Variants in ARHGAP6 observed in about 807,000 individuals in gnomAD.
ARHGAP6 encodes rho GTPase-activating protein 6.
ARHGAP6 carries 16 observed loss-of-function variants against 55.7 expected under a neutral mutation model. That is an observed-to-expected ratio of 0.29 (90% CI 0.19 to 0.44). ARHGAP6 has a LOEUF of 0.44. Ranked by LOEUF, ARHGAP6 falls within the 20% of genes least tolerant of loss-of-function variation. The pLI, the probability that ARHGAP6 is intolerant of heterozygous loss-of-function variation, is 1.00. For synonymous variants in ARHGAP6, 382 were observed against 360.9 expected (o/e 1.06, Z -0.66); for missense variants, 698 against 808.9 (o/e 0.86, Z 1.66).
intron 1 of ARHGAP6, among the ~76,000 whole-genome samples, chrX:11,603,195 G>A (rs2051997605): frequency 9.0e-6 from 1 of 111,556 alleles, no homozygotes; most frequent in African/African-American, 3.3e-5. Flanking sequence ...AAGCATTTAA[G>A]CCCTGAGCAA....
chrX:11,289,343 G>A lies in ARHGAP6; in HGVS notation c.589-34636C>T, dbSNP rs147124377. Among the ~76,000 whole-genome samples, 1,026 of 111,027 alleles carry A rather than the reference G, an allele frequency of 9.2e-3. 22 individuals are homozygous for A. Among genetic ancestry groups the A allele is most frequent in the African/African-American group, 0.032 (962 of 30,531 alleles). On this transcript the variant is annotated intron_variant, in intron 1 of 12. Transcript: ENST00000337414. ...TACTCATCTCTCTTGCTGAACATGAGTGAGAAATATCATACTCCAAACTTC... is the reference window on the plus strand; with the variant it reads ...TACTCATCTCTCTTGCTGAACATGAATGAGAAATATCATACTCCAAACTTC...
At chrX:11,302,710 T>C (rs2048187515) in intron 1 of ARHGAP6, among the ~76,000 whole-genome samples, 1 of 111,471 alleles carries the variant, frequency 9.0e-6, no homozygotes, top group Admixed American at 9.5e-5. Context: ...TTGAGTAACT[T>C]GAAATTTTAA....
chrX:11,339,247 G>A lies in ARHGAP6; in HGVS notation c.589-84540C>T, dbSNP rs781301114. ...TGGACATCTAAATTGGAATCACAGT[G>A]CATCTGAGAACCAAAATCTCTGGTC... On this transcript the variant is annotated intron_variant, in intron 1 of 12. Coordinates refer to ENST00000337414, the MANE Select transcript of ARHGAP6 (RefSeq NM_013427.3). Among the ~76,000 whole-genome samples the A allele has an allele frequency of 2.7e-5, 3 of 111,956 alleles. No individual in the cohort carries two copies. In the East Asian group the frequency reaches 8.4e-4, roughly 31 times the overall value.
At chrX:11,389,258 A>G (rs769082449) in intron 1 of ARHGAP6, among the ~76,000 whole-genome samples, 1 of 112,256 alleles carries the variant, frequency 8.9e-6, no homozygotes, top group South Asian at 3.7e-4. Context: ...TTCTGCAAAT[A>G]ATAACTAATA....
chrX:11,157,348 G>A (rs754377055), intron 9 of ARHGAP6, among the ~76,000 whole-genome samples: 11 of 112,117 alleles, frequency 9.8e-5, no homozygotes, highest in Non-Finnish European at 1.9e-4. Flanking sequence ...TTTATTATTC[G>A]GTGCCTGCCT....
At chrX:11,337,277 CTA>C (rs889945965) in intron 1 of ARHGAP6, among the ~76,000 whole-genome samples, 2 of 111,200 alleles carry the variant, frequency 1.8e-5, no homozygotes, top group Admixed American at 9.6e-5. Flanking sequence ...ACATTATATA[CTA>C]TATATATAAT....
chrX:11,280,738 C>T (rs1224499199), intron 1 of ARHGAP6, among the ~76,000 whole-genome samples: 1 of 80,919 alleles, frequency 1.2e-5, no homozygotes, highest in Non-Finnish European at 2.3e-5. Context: ...AGAGCAAGAC[C>T]TTGTCTCAAA....
Position 11,473,717 on chromosome X carries a change from T to C in ARHGAP6, c.588+190524A>G, listed in dbSNP as rs144586676. 3.1e-3 allele frequency among the ~76,000 whole-genome samples: 343 copies of C among 112,019 alleles called. 1 individual carries two copies. The highest frequency in any genetic ancestry group is 9.8e-3 in the African/African-American group (301 of 30,864). On this transcript the variant is annotated intron_variant, in intron 1 of 12. Transcript: ENST00000337414. ...AACTGACAGAGAGAATACATTTCTC[T>C]TGTTTTAAAACACCCAGTTTGTAGT...
At chrX:11,296,660 C>T in intron 1 of ARHGAP6, 1 of 834,327 alleles carries the variant, frequency 1.2e-6, no homozygotes, top group East Asian at 3.4e-5. Flanking sequence ...TTTAAAGTAG[C>T]TTCAGTCTCC....
chrX:11,300,109 G>T (rs1172725787), intron 1 of ARHGAP6, among the ~76,000 whole-genome samples: 2 of 111,903 alleles, frequency 1.8e-5, no homozygotes, highest in Admixed American at 1.9e-4. Context: ...CAAGGCACAT[G>T]TTCTCTCTGT....
At chrX:11,438,871 G>C (rs1258384709) in intron 1 of ARHGAP6, among the ~76,000 whole-genome samples, 3 of 112,618 alleles carry the variant, frequency 2.7e-5, no homozygotes, top group Non-Finnish European at 5.6e-5. Context: ...GGTGAAGAGA[G>C]AGCCAGAGGG....
chrX:11,573,114 A>G (rs1335750277), intron 1 of ARHGAP6, among the ~76,000 whole-genome samples: 1 of 111,298 alleles, frequency 9.0e-6, no homozygotes, highest in African/African-American at 3.3e-5. Context: ...GGTTGCGAAA[A>G]TGTTCTACCA....
At chrX:11,643,505 A>G (rs1245740815) in intron 1 of ARHGAP6, among the ~76,000 whole-genome samples, 1 of 112,245 alleles carries the variant, frequency 8.9e-6, no homozygotes, top group Non-Finnish European at 1.9e-5. Flanking sequence ...TAGAAAACCT[A>G]AAGTACAAAA....
intron 1 of ARHGAP6, among the ~76,000 whole-genome samples, chrX:11,649,010 T>G (rs889275542): frequency 2.7e-5 from 3 of 112,197 alleles, no homozygotes; most frequent in African/African-American, 9.7e-5. Flanking sequence ...AACAGAGACA[T>G]TCTCCAGCTT....
At chrX:11,523,490 C>T (rs1249813564) in intron 1 of ARHGAP6, among the ~76,000 whole-genome samples, 1 of 111,865 alleles carries the variant, frequency 8.9e-6, no homozygotes, top group African/African-American at 3.2e-5. Flanking sequence ...AATATCCCAT[C>T]GTCTCAGCCC....
chrX:11,138,981 T>A lies in ARHGAP6; in HGVS notation c.2807A>T (p.Glu936Val). Residue 936 changes from glutamate to valine, a missense_variant, in exon 13 of 13, where the codon GAG becomes GTG. Physicochemically the swap from Glu to Val is moderately radical, Grantham distance 121. Transcript: ENST00000337414. ...GTCCCCCAGGCGCGGACTGTCCTGC[T>A]CGCCCGCTGGCAGGGAGTTGGCGCT... is the stretch of plus-strand genomic sequence containing the variant. The part of the protein sequence containing the change: ...LSSANSLPAG[E>V]QDSPRLGDAG... 1.7e-6 allele frequency: 2 copies of A among 1,205,826 alleles called. No individual in the cohort carries two copies. The highest frequency in any genetic ancestry group is 2.2e-6 in the Non-Finnish European group (2 of 893,484).
At chrX:11,617,197 T>G (rs753258967) in intron 1 of ARHGAP6, among the ~76,000 whole-genome samples, 99 of 112,352 alleles carry the variant, frequency 8.8e-4, no homozygotes, top group Non-Finnish European at 1.4e-3. Context: ...CATGTTGATA[T>G]AATATTTTGG....
intron 1 of ARHGAP6, among the ~76,000 whole-genome samples, chrX:11,289,521 G>A (rs1278600328): frequency 7.2e-5 from 8 of 111,533 alleles, no homozygotes; most frequent in Non-Finnish European, 1.5e-4. Context: ...CAGGGAGGGA[G>A]GGAGAAAAAA....
chrX:11,621,982 T>C (rs1457831008), intron 1 of ARHGAP6, among the ~76,000 whole-genome samples: 1 of 111,807 alleles, frequency 8.9e-6, no homozygotes, highest in Non-Finnish European at 1.9e-5. Flanking sequence ...CCTGAAGCAA[T>C]GCCTTTTAAA....
Sources: gnomAD v4.1 joint callset for allele counts (sites outside exome capture counted in the v4.1 genomes callset) on GRCh38, gnomAD v4.1.1 for gene constraint, MANE v1.5 for transcripts, NCBI Gene and HGNC (gene_info 2026-07-23, HGNC 2026-07-21) for gene names.